Variants in PRDM11 observed in about 807,000 individuals in gnomAD.
The protein encoded by PRDM11 is PR/SET domain 11.
PRDM11 carries 20 observed loss-of-function variants against 97.8 expected under a neutral mutation model. The ratio of observed to expected loss-of-function variants is 0.20; its 90% CI spans 0.14 to 0.30. The LOEUF (loss-of-function observed/expected upper bound fraction) is 0.30, where lower values mean the gene tolerates loss of function less well. Ranked by LOEUF, PRDM11 falls within the 10% of genes least tolerant of loss-of-function variation. The probability of loss-of-function intolerance (pLI) is 1.00; values close to 1 mark genes in which losing one functional copy is unlikely to be tolerated. For missense variants in PRDM11, 1,139 were observed against 1,555.2 expected (o/e 0.73, Z 4.50); for synonymous variants, 599 against 637.7 (o/e 0.94, Z 0.91).
intron 1 of PRDM11, among the ~76,000 whole-genome samples, chr11:45,174,761 CAGAAGCAAAA>C (rs921889819): frequency 6.6e-6 from 1 of 152,116 alleles, no homozygotes; most frequent in Non-Finnish European, 1.5e-5. Flanking sequence ...GACTATTTTT[CAGAAGCAAAA>C]AGAAGAAAAC....
rs1462737524 is a variant in PRDM11 at position 45,232,043 on chromosome 11, G to A, written c.*3884G>A. ...AGCCTCTGCCACATGTTTCCAAGTT[G>A]AGTTGTTTTGCTGAGGTGGTCCTCC... is the stretch of plus-strand genomic sequence containing the variant. On this transcript the variant is annotated 3_prime_UTR_variant, in exon 8 of 8. Transcript: ENST00000683152. 6.6e-6 allele frequency: 1 copy of A among 152,196 alleles called. No individual in the cohort carries two copies. The highest frequency in any genetic ancestry group is 1.5e-5 in the Non-Finnish European group (1 of 68,044). 9.4% of individuals were successfully genotyped at this position (152,196 alleles called of 1,614,324 possible).
rs1299513414 is a variant in PRDM11, at chr11:45,226,192, A to G, written c.1567A>G (p.Thr523Ala). 23 of 1,533,480 alleles carry G rather than the reference A, an allele frequency of 1.5e-5. No individual in the cohort carries two copies. Among genetic ancestry groups the G allele is most frequent in the South Asian group, 2.4e-5 (2 of 83,972 alleles). The allele number at this position is 1,533,480 out of a possible 1,614,324, so 95.0% of individuals were successfully genotyped here. A position where few individuals can be genotyped will look rare whatever the true frequency, so the allele number is the denominator to read the frequency against. Residue 523 changes from threonine to alanine, a missense_variant, in exon 8 of 8, where the codon ACC (threonine) becomes GCC (alanine). Physicochemically the swap from Thr to Ala is moderately conservative, Grantham distance 58. Transcript: ENST00000683152. ...KKFWFLRYSPTLNEMWCHVCR... is the reference protein window; with the variant it reads ...KKFWFLRYSPALNEMWCHVCR... ...GTTCTGGTTCCTGCGGTACTCCCCA[A>G]CCCTCAATGAGATGTGGTGCCACGT...
chr11:45,194,997 C>G (rs562473527), intron 4 of PRDM11, among the ~76,000 whole-genome samples: 1 of 151,790 alleles, frequency 6.6e-6, no homozygotes, highest in Admixed American at 6.6e-5. Flanking sequence ...GGACTTTTAA[C>G]TAGATCTCCA....
chr11:45,111,728 G>A (rs962435372), intron 1 of PRDM11, among the ~76,000 whole-genome samples: 4 of 152,062 alleles, frequency 2.6e-5, no homozygotes, highest in Admixed American at 2.6e-4. Context: ...TTTTGTTCCC[G>A]AGGGAGAAAT....
At chr11:45,217,913 T>C (rs866301647) in intron 5 of PRDM11, among the ~76,000 whole-genome samples, 10 of 152,234 alleles carry the variant, frequency 6.6e-5, no homozygotes, top group African/African-American at 2.4e-4. Context: ...ACAAAGATGA[T>C]CCACCTGTAA....
intron 4 of PRDM11, among the ~76,000 whole-genome samples, chr11:45,200,139 A>C (rs2863161): frequency 0.19 from 28,386 of 152,216 alleles, 3,461 homozygotes; most frequent in African/African-American, 0.35. Flanking sequence ...GAATGAGTGA[A>C]TAAATGCTTG....
chr11:45,104,899 C>G (rs1308512875), intron 1 of PRDM11, among the ~76,000 whole-genome samples: 1 of 152,250 alleles, frequency 6.6e-6, no homozygotes, highest in Non-Finnish European at 1.5e-5. Context: ...CTGGGACCAT[C>G]TCCTCCTCCT....
chr11:45,204,289 A>G (rs945043776), intron 4 of PRDM11, among the ~76,000 whole-genome samples: 2 of 152,240 alleles, frequency 1.3e-5, no homozygotes, highest in African/African-American at 4.8e-5. Flanking sequence ...GTCATCCAGC[A>G]GTGGCCTCTG....
intron 1 of PRDM11, among the ~76,000 whole-genome samples, chr11:45,180,216 C>A (rs993424242): frequency 6.6e-6 from 1 of 152,238 alleles, no homozygotes; most frequent in Non-Finnish European, 1.5e-5. Context: ...AGGGGGCCAT[C>A]CCACAGGCTT....
At chr11:45,155,455 G>T (rs563561292) in intron 1 of PRDM11, among the ~76,000 whole-genome samples, 2 of 152,322 alleles carry the variant, frequency 1.3e-5, no homozygotes, top group South Asian at 4.1e-4. Context: ...GGCTCTGGGG[G>T]TTGCCGGGAG....
chr11:45,176,397 C>A (rs1264020285), intron 1 of PRDM11, among the ~76,000 whole-genome samples: 1 of 152,088 alleles, frequency 6.6e-6, no homozygotes, highest in Admixed American at 6.6e-5. Context: ...AATTTCACCA[C>A]CATGTGCACA....
At chr11:45,140,955 A>C (rs73464580) in intron 1 of PRDM11, among the ~76,000 whole-genome samples, 4,563 of 152,250 alleles carry the variant, frequency 0.03, 250 homozygotes, top group African/African-American at 0.1. Flanking sequence ...ACCATTGAGG[A>C]CTTCCAAAAT....
intron 1 of PRDM11, among the ~76,000 whole-genome samples, chr11:45,159,045 G>A (rs1371591530): frequency 6.6e-6 from 1 of 152,138 alleles, no homozygotes; most frequent in African/African-American, 2.4e-5. Flanking sequence ...TACCGGTGAG[G>A]AAAGGACCCA....
rs549243960 is a variant in PRDM11, at chr11:45,218,843, G to A, written c.555-727G>A. Among the ~76,000 whole-genome samples, 12 of 152,318 alleles carry A rather than the reference G, an allele frequency of 7.9e-5. No individual in the cohort carries two copies. In the South Asian group the frequency reaches 2.5e-3, roughly 32 times the overall value. ...GTTGGTGCTTTACATGCCCACATAG[G>A]AGCCATGAGTTACAGTGGGAAACGT... On this transcript the variant is annotated intron_variant, in intron 5 of 7. Coordinates refer to ENST00000683152, the MANE Select transcript of PRDM11 (RefSeq NM_001384648.1).
intron 1 of PRDM11, among the ~76,000 whole-genome samples, chr11:45,163,978 A>C (rs931874789): frequency 6.6e-6 from 1 of 152,184 alleles, no homozygotes; most frequent in Non-Finnish European, 1.5e-5. Context: ...AGCAGCCAGC[A>C]TGCAGGGAAG....
intron 1 of PRDM11, among the ~76,000 whole-genome samples, chr11:45,167,401 A>G (rs1336267736): frequency 1.3e-5 from 2 of 152,138 alleles, no homozygotes; most frequent in Non-Finnish European, 2.9e-5. Context: ...TCAGCAAGAC[A>G]GTTTATTATT....
chr11:45,173,893 T>C (rs942498031), intron 1 of PRDM11, among the ~76,000 whole-genome samples: 1 of 152,216 alleles, frequency 6.6e-6, no homozygotes, highest in African/African-American at 2.4e-5. Context: ...TCTTTATGTT[T>C]ATTAACATAT....
chr11:45,153,748 T>C (rs569776298), intron 1 of PRDM11, among the ~76,000 whole-genome samples: 2 of 152,232 alleles, frequency 1.3e-5, no homozygotes, highest in Non-Finnish European at 1.5e-5. Flanking sequence ...CTGCCCTACA[T>C]TCTGTGGAAG....
Position 45,227,418 on chromosome 11 carries a change from G to A in PRDM11, c.2793G>A (p.Gln931=). ...RLADSPGEYL[Q]EFEENFRESF... is the part of the protein sequence containing the mutation. ...CTGACTCCCCGGGAGAATACCTGCAGGAGTTCGAGGAGAATTTCCGAGAGA... is the reference window on the plus strand; with the variant it reads ...CTGACTCCCCGGGAGAATACCTGCAAGAGTTCGAGGAGAATTTCCGAGAGA... Residue 931 remains glutamine (Q), a synonymous_variant, in exon 8 of 8, where the codon CAG becomes CAA. Coordinates refer to ENST00000683152, the MANE Select transcript of PRDM11 (RefSeq NM_001384648.1). The surrounding 1 kb of genome is among the most constrained non-coding windows in gnomAD (Gnocchi z 8.0). 2 of 1,533,902 alleles carry A rather than the reference G, an allele frequency of 1.3e-6. No homozygotes were observed. Among genetic ancestry groups the A allele is most frequent in the Non-Finnish European group, 1.7e-6 (2 of 1,146,734 alleles).
Sources: gnomAD v4.1 joint callset for allele counts (sites outside exome capture counted in the v4.1 genomes callset) on GRCh38, gnomAD v4.1.1 for gene constraint, Gnocchi (gnomAD v3.1) non-coding constraint, MANE v1.5 for transcripts, NCBI Gene and HGNC (gene_info 2026-07-23, HGNC 2026-07-21) for gene names.